NOMO3: variants seen among roughly 807,000 people sequenced by gnomAD.
NOMO3 encodes the protein BOS complex subunit NOMO3.
NOMO3 carries 15 observed loss-of-function variants against 69.9 expected under a neutral mutation model. The observed-to-expected ratio is 0.21, with a 90% confidence interval of 0.14 to 0.33. The LOEUF is 0.33. Ranked by LOEUF, NOMO3 falls within the 10% of genes least tolerant of loss-of-function variation. NOMO3 has a pLI of 1.00. For synonymous variants in NOMO3, 89 were observed against 301.9 expected (o/e 0.29, Z 7.31); for missense variants, 218 against 761.0 (o/e 0.29, Z 8.39).
chr16:16,243,729 T>C (rs1165624777), intron 4 of NOMO3, among the ~76,000 whole-genome samples: 7 of 139,866 alleles, frequency 5.0e-5, no homozygotes, highest in Non-Finnish European at 7.5e-5. Context: ...TTTGCTGTGT[T>C]GGCCAGGCTG....
rs1303759009 is a variant in NOMO3, at chr16:16,245,628, C to T, written c.509+454C>T. On this transcript the variant is annotated intron_variant, in intron 5 of 30. Coordinates refer to ENST00000399336, the MANE Select transcript of NOMO3 (RefSeq NM_001004067.4). ...GTTGCAGCTACTCGGGAGGCTGAGGCGGGAGGATTGCTTGAGCCTGGAAGG... is the reference window on the plus strand; with the variant it reads ...GTTGCAGCTACTCGGGAGGCTGAGGTGGGAGGATTGCTTGAGCCTGGAAGG... Among the ~76,000 whole-genome samples the T allele has an allele frequency of 1.9e-4, 25 of 132,744 alleles. 2 individuals carry two copies. Among genetic ancestry groups the T allele is most frequent in the Admixed American group, 1.5e-3 (21 of 13,778 alleles). 87.1% of individuals were successfully genotyped at this position (132,744 alleles called of 152,430 possible).
chr16:16,239,722 AC>A (rs1209933815), intron 2 of NOMO3, 128 bp from the exon 3 acceptor site: 2 of 314,908 alleles, frequency 6.4e-6, no homozygotes, highest in Non-Finnish European at 1.1e-5. Flanking sequence ...ATGTAGAAGA[AC>A]AAGGCTTACT....
chr16:16,239,316 AATTTTTTAAGAAC>A (rs1167736607), intron 2 of NOMO3, among the ~76,000 whole-genome samples: 1 of 142,698 alleles, frequency 7.0e-6, no homozygotes, highest in Non-Finnish European at 1.5e-5. Context: ...ACACCCAGCT[AATTTTTTAAGAAC>A]ATTTTTTGTA....
At chr16:16,253,170 T>C (rs1319717625) in intron 9 of NOMO3, among the ~76,000 whole-genome samples, 1 of 138,876 alleles carries the variant, frequency 7.2e-6, no homozygotes, top group Non-Finnish European at 1.5e-5. Flanking sequence ...GGTCAATACA[T>C]GTATAGATGT....
chr16:16,240,790 C>A lies in NOMO3; in HGVS notation c.301+894C>A, dbSNP rs1192777558. ...GCATTAGACAAGGAAGAATTTAGCA[C>A]CTGCCATCACCAAGGCTAAAATGAG... is the stretch of plus-strand genomic sequence containing the variant. On this transcript the variant is annotated intron_variant, in intron 3 of 30. Transcript: ENST00000399336. Among the ~76,000 whole-genome samples the A allele has an allele frequency of 2.1e-5, 3 of 142,648 alleles. 1 individual carries two copies. Among genetic ancestry groups the A allele is most frequent in the African/African-American group, 8.7e-5 (3 of 34,674 alleles). The allele number at this position is 142,648 out of a possible 152,430, so 93.6% of individuals were successfully genotyped here.
intron 11 of NOMO3, among the ~76,000 whole-genome samples, chr16:16,258,173 A>T (rs1357777666): frequency 7.0e-6 from 1 of 143,072 alleles, no homozygotes; most frequent in Non-Finnish European, 1.5e-5. Context: ...AAAATTAGCT[A>T]GTTTCATAAC....
At position 16,240,167 on chromosome 16, in the gene NOMO3, C is replaced by T. The variant is rs553906777; in HGVS notation, c.301+271C>T. On this transcript the variant is annotated intron_variant, in intron 3 of 30. Transcript: ENST00000399336. ...TCTTCCCTTGCAGTTTCACTCATTACGTGGCCGTGGAACAGTATAGAAATC... is the reference window on the plus strand; with the variant it reads ...TCTTCCCTTGCAGTTTCACTCATTATGTGGCCGTGGAACAGTATAGAAATC... Among the ~76,000 whole-genome samples the T allele has an allele frequency of 2.8e-4, 40 of 144,678 alleles. 1 individual carries two copies. Among genetic ancestry groups the T allele is most frequent in the Non-Finnish European group, 5.2e-4 (35 of 67,498 alleles). The allele number at this position is 144,678 out of a possible 152,430, so 94.9% of individuals were successfully genotyped here.
Position 16,256,066 on chromosome 16 carries a change from C to T in NOMO3, c.1128C>T (p.Thr376=). The T allele has an allele frequency of 1.9e-6, 3 of 1,584,908 alleles. No homozygotes were observed. Among genetic ancestry groups the T allele is most frequent in the South Asian group, 1.1e-5 (1 of 89,170 alleles). The change falls in exon 11 of 31, where the codon ACC becomes ACT. Residue 376 remains threonine (T), a synonymous_variant. Transcript: ENST00000399336. ...RLENITTGTY[T]IHAQKEHLYF... is the part of the protein sequence containing the mutation. The stretch of plus-strand genomic sequence containing the variant: ...AGAACATAACCACAGGGACATACAC[C>T]ATCCATGCTCAGAAAGAGCACCTCT...
chr16:16,250,151 A>G (rs1193554967), intron 6 of NOMO3, among the ~76,000 whole-genome samples: 1 of 136,774 alleles, frequency 7.3e-6, no homozygotes, highest in South Asian at 2.4e-4. Context: ...CGTTTGTCTT[A>G]TTTGCACATG....
chr16:16,268,183 T>C (rs902025735), intron 16 of NOMO3, among the ~76,000 whole-genome samples: 4 of 144,058 alleles, frequency 2.8e-5, no homozygotes, highest in Admixed American at 6.7e-5. Flanking sequence ...GACGCTGTTA[T>C]GACTAATGTT....
At chr16:16,242,201 TTG>T (rs71276168) in intron 3 of NOMO3, among the ~76,000 whole-genome samples, 22,202 of 99,022 alleles carry the variant, frequency 0.22, 3,141 homozygotes, top group African/African-American at 0.25. Flanking sequence ...ATTGGAGTCT[TTG>T]TGTGTGTGTG....
In NOMO3 at chr16:16,263,148, C is replaced by T. The variant is rs1390222261; in HGVS notation, c.1470C>T (p.Asp490=). 11 of 1,590,880 alleles carry T rather than the reference C, an allele frequency of 6.9e-6. 2 individuals carry two copies. In the Admixed American group the frequency reaches 1.7e-4, roughly 25 times the overall value. The change falls in exon 13 of 31, where the codon GAC becomes GAT. Residue 490 remains aspartate (D), a synonymous_variant. Coordinates refer to ENST00000399336, the MANE Select transcript of NOMO3 (RefSeq NM_001004067.4). ...AGACATTTCCTCTTACTGTGACCGA[C>T]AGGCCTGTGATGGATGTGGCCTTTG... ...KPQTFPLTVT[D]RPVMDVAFVQ...
chr16:16,256,304 C>T (rs2049511972), intron 11 of NOMO3, 146 bp downstream of exon 11: 3 of 1,301,332 alleles, frequency 2.3e-6, no homozygotes, highest in Non-Finnish European at 3.0e-6. Context: ...GAGACAGAGT[C>T]TTGCCCTGTT....
At position 16,265,382 on chromosome 16, in the gene NOMO3, C is replaced by G. The variant is rs2049603526; in HGVS notation, c.1806+203C>G. The G allele has an allele frequency of 3.4e-6, 2 of 595,330 alleles. 1 individual carries two copies. The highest frequency in any genetic ancestry group is 6.1e-5 in the Admixed American group (2 of 32,742). 36.9% of individuals were successfully genotyped at this position (595,330 alleles called of 1,614,324 possible). ...AAGGACCCCTGTATTTAGGAGGTTT[C>G]CTTGTCCTGGCCCTACACTAAATCT... On this transcript the variant is annotated intron_variant, in intron 15 of 30. Transcript: ENST00000399336.
At chr16:16,266,109 C>A (rs1399932712) in intron 15 of NOMO3, among the ~76,000 whole-genome samples, 2 of 140,920 alleles carry the variant, frequency 1.4e-5, no homozygotes, top group Non-Finnish European at 3.0e-5. Flanking sequence ...TTCAGGAGCA[C>A]CTCTGTAGAT....
At chr16:16,262,888 A>G (rs1203419367) in intron 12 of NOMO3, among the ~76,000 whole-genome samples, 186 bp from the exon 13 acceptor site, 1 of 142,788 alleles carries the variant, frequency 7.0e-6, no homozygotes, top group African/African-American at 2.9e-5. Flanking sequence ...TCATCTGGGT[A>G]GAACCGTGCT....
Position 16,235,807 on chromosome 16 carries a change from C to T in NOMO3, c.166-1094C>T, listed in dbSNP as rs544803085. 6.3e-4 allele frequency: 276 copies of T among 439,164 alleles called. 46 individuals carry two copies. Among genetic ancestry groups the T allele is most frequent in the African/African-American group, 5.6e-3 (249 of 44,750 alleles). The allele number at this position is 439,164 out of a possible 1,614,324, so 27.2% of individuals were successfully genotyped here. ...ACAGGCATGAGCCACCATGCCTGGC[C>T]GCAAACTGATTTTTCTTTGAATCCA... On this transcript the variant is annotated intron_variant, in intron 1 of 30. Coordinates refer to ENST00000399336, the MANE Select transcript of NOMO3 (RefSeq NM_001004067.4).
chr16:16,268,302 A>T lies in NOMO3; in HGVS notation c.1894+1171A>T, dbSNP rs531483359. On this transcript the variant is annotated intron_variant, in intron 16 of 30. Transcript: ENST00000399336. ...GTGATAAGTTTATGTTTAACCTTTT[A>T]AGAAACTGTCAAATTGTTTTCCACA... Among the ~76,000 whole-genome samples the T allele has an allele frequency of 9.6e-4, 141 of 146,200 alleles. 12 individuals carry two copies. Among genetic ancestry groups the T allele is most frequent in the African/African-American group, 3.6e-3 (130 of 36,608 alleles).
At chr16:16,254,473 G>A (rs538113390) in intron 9 of NOMO3, among the ~76,000 whole-genome samples, 1 of 140,446 alleles carries the variant, frequency 7.1e-6, no homozygotes, top group Non-Finnish European at 1.5e-5. Context: ...GAAACCATTT[G>A]CTGAAAAAAA....
Sources: gnomAD v4.1 joint callset for allele counts (sites outside exome capture counted in the v4.1 genomes callset) on GRCh38, gnomAD v4.1.1 for gene constraint, MANE v1.5 for transcripts, NCBI Gene and HGNC (gene_info 2026-07-23, HGNC 2026-07-21) for gene names.